The following NTRK1 variants were observed in gnomAD, a reference collection of about 807,000 sequenced individuals.
The protein encoded by NTRK1 is neurotrophic receptor tyrosine kinase 1.
Under a neutral mutation model 86.8 loss-of-function variants are expected in NTRK1, and 62 were observed. The observed-to-expected ratio is 0.71, with a 90% confidence interval of 0.58 to 0.88. The LOEUF (loss-of-function observed/expected upper bound fraction) is 0.88, where lower values mean the gene tolerates loss of function less well. Ranked by LOEUF, NTRK1 falls within the 40% of genes least tolerant of loss-of-function variation. The pLI, the probability that NTRK1 is intolerant of heterozygous loss-of-function variation, is 0.00. For synonymous variants in NTRK1, 469 were observed against 456.6 expected (o/e 1.03, Z -0.35); for missense variants, 967 against 1,078.4 (o/e 0.90, Z 1.45).
At chr1:156,845,585 T>C in intron 2 of NTRK1, 1 of 788,864 alleles carries the variant, frequency 1.3e-6, no homozygotes, top group Non-Finnish European at 1.8e-6. Context: ...GCCCCACTCA[T>C]CAGACCCTCC....
At chr1:156,815,873 C>A in intron 1 of NTRK1, 1 of 1,614,078 alleles carries the variant, frequency 6.2e-7, no homozygotes, top group Non-Finnish European at 8.5e-7. Flanking sequence ...CTCTGTGCCC[C>A]AGCCCGTTGG....
chr1:156,841,102 T>A (rs1461145365), intron 1 of NTRK1: 3 of 1,557,424 alleles, frequency 1.9e-6, no homozygotes. Flanking sequence ...CATCAGCTCC[T>A]GCCTGGTGGG....
chr1:156,834,968 C>T (rs577000955), intron 1 of NTRK1, among the ~76,000 whole-genome samples: 3 of 152,150 alleles, frequency 2.0e-5, no homozygotes, highest in South Asian at 2.1e-4. Context: ...AAAGGAGACA[C>T]GTCTAGGTGA....
Position 156,873,807 on chromosome 1 carries a change from G to A in NTRK1, c.1025G>A (p.Arg342Gln), listed in dbSNP as rs770090356. The part of the protein sequence containing the change: ...FLEPAANETV[R>Q]HGCLRLNQPT... ...GAGCCGGCAGCCAATGAGACCGTGC[G>A]GCACGGGTGTCTGCGCCTCAACCAG... is the stretch of plus-strand genomic sequence containing the variant. The change falls in exon 8 of 17, where the codon CGG (arginine) becomes CAG (glutamine). Residue 342 changes from arginine to glutamine, a missense_variant. This residue lies in a region of NTRK1 where 637 missense variants were observed against 776.5 expected (regional missense o/e 0.82). Transcript: ENST00000524377. 9 of 1,612,872 alleles carry A rather than the reference G, an allele frequency of 5.6e-6. 1 individual carries two copies. The highest frequency in any genetic ancestry group is 3.3e-5 in the South Asian group (3 of 90,794).
chr1:156,863,261 G>A (rs943624065), intron 1 of NTRK1, among the ~76,000 whole-genome samples: 3 of 152,006 alleles, frequency 2.0e-5, no homozygotes, highest in African/African-American at 7.3e-5. Context: ...TTATCTGTCT[G>A]TCTCCCTCCC....
At chr1:156,862,811 G>T (rs1655738461) in intron 1 of NTRK1, among the ~76,000 whole-genome samples, 1 of 152,118 alleles carries the variant, frequency 6.6e-6, no homozygotes, top group Non-Finnish European at 1.5e-5. Flanking sequence ...CTCTGGGCAG[G>T]GGCTGGGGGG....
intron 9 of NTRK1, 79 bp from the exon 10 acceptor site, chr1:156,874,492 A>G: frequency 6.2e-7 from 1 of 1,612,246 alleles, no homozygotes; most frequent in Non-Finnish European, 8.5e-7. Flanking sequence ...CTGAGAGACC[A>G]GCTGGGGCCA....
chr1:156,841,391 C>T, intron 1 of NTRK1: 9 of 1,613,606 alleles, frequency 5.6e-6, no homozygotes, highest in Non-Finnish European at 7.6e-6. Context: ...GGAGGTGACT[C>T]ACAGCTGAAG....
upstream of NTRK1, among the ~76,000 whole-genome samples, chr1:156,860,313 C>A (rs41528248): frequency 8.5e-4 from 130 of 152,378 alleles, 1 homozygote; most frequent in Admixed American, 1.5e-3. Context: ...GGACTCCCTT[C>A]GGCCGGATTA....
At chr1:156,849,007 C>T (rs772881535) in intron 2 of NTRK1, 11 of 1,613,304 alleles carry the variant, frequency 6.8e-6, no homozygotes. Context: ...TGCGGTCTGC[C>T]TCCGTCACGT....
chr1:156,845,496 C>G lies in NTRK1; in HGVS notation c.50+3303C>G, dbSNP rs1389056888. The G allele has an allele frequency of 4.0e-6, 6 of 1,502,328 alleles. No homozygotes were observed. In the East Asian group the frequency reaches 1.4e-4, roughly 34 times the overall value. 93.1% of individuals were successfully genotyped at this position (1,502,328 alleles called of 1,614,324 possible). On this transcript the variant is annotated intron_variant, in intron 2 of 16. Transcript: ENST00000392302. ...GCAGCGCGTACCGCCTCCAAAAGCA[C>G]CCACAACCCGGGACCCGCCCACACA...
intron 1 of NTRK1, among the ~76,000 whole-genome samples, chr1:156,822,389 C>T (rs1187732368): frequency 6.6e-6 from 1 of 151,860 alleles, no homozygotes; most frequent in Non-Finnish European, 1.5e-5. Context: ...AAGACCTTGT[C>T]TCTACAAAAA....
chr1:156,858,079 G>A (rs550678453), upstream of NTRK1, among the ~76,000 whole-genome samples: 61 of 152,306 alleles, frequency 4.0e-4, no homozygotes, highest in South Asian at 0.012. Context: ...GGAGGCAGGA[G>A]CTCAGGACCC....
intron 1 of NTRK1, among the ~76,000 whole-genome samples, chr1:156,822,420 A>G (rs997495109): frequency 3.3e-5 from 5 of 152,008 alleles, no homozygotes; most frequent in Non-Finnish European, 7.4e-5. Context: ...AAAGAGCCAG[A>G]TATGGTGGTG....
chr1:156,828,140 T>C (rs1056725876), intron 1 of NTRK1, among the ~76,000 whole-genome samples: 5 of 152,198 alleles, frequency 3.3e-5, no homozygotes, highest in Non-Finnish European at 7.3e-5. Flanking sequence ...TTGAAAATTA[T>C]AAGGCCATTT....
At chr1:156,826,370 G>A (rs1383962851) in intron 1 of NTRK1, among the ~76,000 whole-genome samples, 2 of 131,832 alleles carry the variant, frequency 1.5e-5, no homozygotes, top group Non-Finnish European at 3.1e-5. Context: ...GCGTGATCTC[G>A]GCTCACTGCA....
intron 2 of NTRK1, chr1:156,845,623 G>A (rs1654970118): frequency 6.2e-7 from 1 of 1,606,398 alleles, no homozygotes. Flanking sequence ...TCGCACATGG[G>A]GATGGTGATC....
chr1:156,835,597 C>T (rs987681686), intron 1 of NTRK1, among the ~76,000 whole-genome samples: 4 of 152,174 alleles, frequency 2.6e-5, no homozygotes, highest in Admixed American at 2.6e-4. Context: ...TGAATTTGTA[C>T]ATGGAAATGT....
chr1:156,819,091 C>T (rs1476990534), intron 1 of NTRK1, among the ~76,000 whole-genome samples: 1 of 152,130 alleles, frequency 6.6e-6, no homozygotes, highest in Non-Finnish European at 1.5e-5. Context: ...CAACCTCTGC[C>T]TCCCAGGTTC....
Sources: gnomAD v4.1 joint callset for allele counts (sites outside exome capture counted in the v4.1 genomes callset) on GRCh38, gnomAD v4.1.1 for gene constraint, gnomAD v4.1.1 regional missense constraint, MANE v1.5 for transcripts, NCBI Gene and HGNC (gene_info 2026-07-23, HGNC 2026-07-21) for gene names.